PCDH17: variants seen among roughly 807,000 people sequenced by gnomAD.
The protein encoded by PCDH17 is protocadherin-17.
PCDH17 carries 21 observed loss-of-function variants against 67.7 expected under a neutral mutation model. The ratio of observed to expected loss-of-function variants is 0.31; its 90% CI spans 0.22 to 0.45. PCDH17 has a LOEUF of 0.45. PCDH17 is among the 20% of genes least tolerant of loss of function. The probability of loss-of-function intolerance (pLI) is 1.00; values close to 1 mark genes in which losing one functional copy is unlikely to be tolerated. For synonymous variants in PCDH17, 701 were observed against 656.7 expected (o/e 1.07, Z -1.03); for missense variants, 1,471 against 1,564.8 (o/e 0.94, Z 1.01).
Position 57,632,835 on chromosome 13 carries a change from C to T in PCDH17, c.289C>T (p.Arg97Cys). 1 of 1,613,910 alleles carries T rather than the reference C, an allele frequency of 6.2e-7. No individual in the cohort carries two copies. The highest frequency in any genetic ancestry group is 8.5e-7 in the Non-Finnish European group (1 of 1,180,018). Reference sequence around the variant, plus strand: ...GCGCATCGACCGCGAGTCCCTGTGCCGCCACAATGCCAAGTGCCAGCTGTC... The same window carrying T: ...GCGCATCGACCGCGAGTCCCTGTGCTGCCACAATGCCAAGTGCCAGCTGTC... Reference protein sequence around the residue: ...KQRIDRESLCRHNAKCQLSLE... With the variant: ...KQRIDRESLCCHNAKCQLSLE... The change falls in exon 1 of 4, where the codon CGC becomes TGC. Residue 97 changes from arginine to cysteine, a missense_variant. Transcript: ENST00000377918.
At chr13:57,694,123 T>G (rs1053449017) in intron 3 of PCDH17, among the ~76,000 whole-genome samples, 1 of 151,264 alleles carries the variant, frequency 6.6e-6, no homozygotes, top group Admixed American at 6.6e-5. Context: ...TTTGGCAAAG[T>G]TGAGTATTGA....
At chr13:57,669,065 C>T (rs547184175) in intron 3 of PCDH17, among the ~76,000 whole-genome samples, 6 of 151,928 alleles carry the variant, frequency 3.9e-5, no homozygotes, top group Non-Finnish European at 7.4e-5. Context: ...TGTTCAATTC[C>T]CACCTATGAG....
chr13:57,709,110 A>T (rs370486433), intron 3 of PCDH17, among the ~76,000 whole-genome samples: 2 of 149,124 alleles, frequency 1.3e-5, no homozygotes, highest in Non-Finnish European at 3.0e-5. Flanking sequence ...ATATGTATAA[A>T]ATATATATAT....
Position 57,632,446 on chromosome 13 carries a change from C to G in PCDH17, c.-101C>G. 1 of 1,219,528 alleles carries G rather than the reference C, an allele frequency of 8.2e-7. No individual in the cohort carries two copies. The highest frequency in any genetic ancestry group is 1.1e-6 in the Non-Finnish European group (1 of 886,448). The allele number at this position is 1,219,528 out of a possible 1,614,324, so 75.5% of individuals were successfully genotyped here. A position where few individuals can be genotyped will look rare whatever the true frequency, so the allele number is the denominator to read the frequency against. On this transcript the variant is annotated 5_prime_UTR_variant, in exon 1 of 4. Transcript: ENST00000377918. ...AAAAAGGACCCATAGACTTGTGGCT[C>G]GCGTCGCGCGCGCACGCTGCGCCAG...
intron 3 of PCDH17, among the ~76,000 whole-genome samples, chr13:57,691,035 AATATGTATATTT>A (rs1243609183): frequency 1.3e-5 from 2 of 151,428 alleles, no homozygotes; most frequent in African/African-American, 4.8e-5. Context: ...TAGTGTCAGC[AATATGTATATTT>A]TTTCTTTTAC....
At chr13:57,631,247 G>T (rs1425450211), upstream of PCDH17, among the ~76,000 whole-genome samples, 7 of 152,118 alleles carry the variant, frequency 4.6e-5, no homozygotes, top group Non-Finnish European at 8.8e-5. Context: ...AGGGCTATTG[G>T]AAGGAGATGC....
chr13:57,667,508 A>G (rs1023899585), intron 3 of PCDH17, among the ~76,000 whole-genome samples: 9 of 152,008 alleles, frequency 5.9e-5, no homozygotes, highest in Admixed American at 5.9e-4. Context: ...GATTCATCCA[A>G]AGTAAATTAA....
Position 57,634,557 on chromosome 13 carries a change from C to T in PCDH17, c.2011C>T (p.Pro671Ser). Reference sequence around the variant, plus strand: ...GGTGAAGGTGACCGACCACGGCAAGCCTACCCTGTCCGCAGTGGCCAAGCT... The same window carrying T: ...GGTGAAGGTGACCGACCACGGCAAGTCTACCCTGTCCGCAGTGGCCAAGCT... The part of the protein sequence containing the change: ...LVVKVTDHGK[P>S]TLSAVAKLII... The change falls in exon 1 of 4, where the codon CCT (proline) becomes TCT (serine). Residue 671 changes from proline to serine, a missense_variant. Coordinates refer to ENST00000377918, the MANE Select transcript of PCDH17 (RefSeq NM_001040429.3). The surrounding 1 kb of genome is among the most constrained non-coding windows in gnomAD (Gnocchi z 7.8). The T allele has an allele frequency of 6.2e-7, 1 of 1,613,194 alleles. No homozygotes were observed. Among genetic ancestry groups the T allele is most frequent in the Non-Finnish European group, 8.5e-7 (1 of 1,179,998 alleles).
At chr13:57,638,342 A>T (rs1179292212) in intron 1 of PCDH17, among the ~76,000 whole-genome samples, 1 of 152,100 alleles carries the variant, frequency 6.6e-6, no homozygotes, top group East Asian at 1.9e-4. Context: ...TCTCAGGGTG[A>T]CTTCTCAACA....
At chr13:57,638,711 T>A (rs115580336) in intron 1 of PCDH17, among the ~76,000 whole-genome samples, 2 of 152,050 alleles carry the variant, frequency 1.3e-5, no homozygotes, top group African/African-American at 4.8e-5. Context: ...CTAGAGCCAA[T>A]CCAAATATAT....
chr13:57,655,142 A>T (rs780970213), intron 1 of PCDH17, among the ~76,000 whole-genome samples: 3 of 152,140 alleles, frequency 2.0e-5, no homozygotes, highest in Non-Finnish European at 4.4e-5. Flanking sequence ...GTGTCAGTCC[A>T]TTTCATCTTG....
intron 3 of PCDH17, among the ~76,000 whole-genome samples, chr13:57,671,633 A>G (rs1411713575): frequency 6.6e-6 from 1 of 152,064 alleles, no homozygotes; most frequent in African/African-American, 2.4e-5. Context: ...AATAGTCTCC[A>G]TTGATTTCTA....
At chr13:57,710,982 G>GCA (rs147318879) in intron 3 of PCDH17, among the ~76,000 whole-genome samples, 1,610 of 150,580 alleles carry the variant, frequency 0.011, 39 homozygotes, top group African/African-American at 0.037. Flanking sequence ...GCATGTGCAT[G>GCA]CACACACACA....
At chr13:57,665,525 G>A (rs1955241085) in intron 1 of PCDH17, among the ~76,000 whole-genome samples, 1 of 152,074 alleles carries the variant, frequency 6.6e-6, no homozygotes, top group Non-Finnish European at 1.5e-5. Flanking sequence ...TAATCTTGTA[G>A]GAACCCATAG....
intron 3 of PCDH17, among the ~76,000 whole-genome samples, chr13:57,676,945 T>C (rs1181431280): frequency 1.3e-5 from 2 of 151,920 alleles, no homozygotes; most frequent in Non-Finnish European, 2.9e-5. Context: ...ATGTATAACT[T>C]TTCAAGCTCA....
In PCDH17 at chr13:57,634,987, T is replaced by C. The variant is rs143093632; in HGVS notation, c.2441T>C (p.Met814Thr). The C allele has an allele frequency of 3.7e-6, 6 of 1,613,712 alleles. No individual in the cohort carries two copies. The African/African-American group carries it at 8.0e-5, about 22-fold the overall frequency. Residue 814 changes from methionine to threonine, a missense_variant, in exon 1 of 4, where the codon ATG (methionine) becomes ACG (threonine). Physicochemically the swap from Met to Thr is moderately conservative, Grantham distance 81 (BLOSUM62 -1). Transcript: ENST00000377918. The surrounding 1 kb of genome is among the most constrained non-coding windows in gnomAD (Gnocchi z 7.8). ...CTCAGCTCGCCCCGGTCGGAGGTGA[T>C]GTATCTCAAACCGGCCTCCAACAAC... is the stretch of plus-strand genomic sequence containing the variant. The part of the protein sequence containing the change: ...LPLSSPRSEV[M>T]YLKPASNNLT...
intron 1 of PCDH17, among the ~76,000 whole-genome samples, chr13:57,647,072 G>A (rs542756071): frequency 6.6e-5 from 10 of 151,758 alleles, no homozygotes; most frequent in Middle Eastern, 3.4e-3. Context: ...TTAAACTATC[G>A]TACATGCTTT....
chr13:57,724,752 G>C lies in PCDH17; in HGVS notation c.2938G>C (p.Ala980Pro). The change falls in exon 4 of 4, where the codon GCT (alanine) becomes CCT (proline). Residue 980 changes from alanine to proline, a missense_variant. Coordinates refer to ENST00000377918, the MANE Select transcript of PCDH17 (RefSeq NM_001040429.3). The stretch of plus-strand genomic sequence containing the variant: ...AAATCTCTTTGTACCTACAGTTGAA[G>C]CTAATGTTGAGACTGAGACTTACGA... ...RTNLFVPTVEANVETETYETV... is the reference protein window; with the variant it reads ...RTNLFVPTVEPNVETETYETV... The C allele has an allele frequency of 1.2e-6, 2 of 1,614,156 alleles. No homozygotes were observed. The highest frequency in any genetic ancestry group is 2.2e-5 in the South Asian group (2 of 91,084).
chr13:57,636,852 T>C (rs547238088), intron 1 of PCDH17, among the ~76,000 whole-genome samples: 1 of 152,310 alleles, frequency 6.6e-6, no homozygotes, highest in South Asian at 2.1e-4. Flanking sequence ...TAATGCTTAG[T>C]CTTCCATTTA....
Sources: gnomAD v4.1 joint callset for allele counts (sites outside exome capture counted in the v4.1 genomes callset) on GRCh38, gnomAD v4.1.1 for gene constraint, Gnocchi (gnomAD v3.1) non-coding constraint, MANE v1.5 for transcripts, NCBI Gene and HGNC (gene_info 2026-07-23, HGNC 2026-07-21) for gene names.